The following ARSG variants were observed in gnomAD, a reference collection of about 807,000 sequenced individuals.
The protein encoded by ARSG is arylsulfatase G, also known as ASG.
ARSG carries 37 observed loss-of-function variants against 50.5 expected under a neutral mutation model. That is an observed-to-expected ratio of 0.73 (90% CI 0.56 to 0.96). The LOEUF is 0.96. Among genes scored for constraint, ARSG ranks in the 50% least tolerant of loss-of-function variants. ARSG has a pLI of 0.00. For missense variants in ARSG, 629 were observed against 675.3 expected, an observed-to-expected ratio of 0.93 and a Z score of 0.76; for synonymous variants, 225 against 254.6, an observed-to-expected ratio of 0.88 and a Z score of 1.11.
chr17:68,404,474 TTC>T (rs1323113773), intron 11 of ARSG, among the ~76,000 whole-genome samples: 1 of 152,248 alleles, frequency 6.6e-6, no homozygotes, highest in Admixed American at 6.5e-5. Flanking sequence ...TTGATTCTTT[TTC>T]TTTTTCCATT....
intron 1 of ARSG, among the ~76,000 whole-genome samples, chr17:68,302,969 C>A (rs1196705063): frequency 6.6e-6 from 1 of 152,132 alleles, no homozygotes; most frequent in Non-Finnish European, 1.5e-5. Flanking sequence ...TGCTCCTTCC[C>A]TGTGTCTACT....
At chr17:68,328,546 A>G (rs1195751001) in intron 2 of ARSG, among the ~76,000 whole-genome samples, 1 of 152,038 alleles carries the variant, frequency 6.6e-6, no homozygotes, top group Non-Finnish European at 1.5e-5. Context: ...ATTTTCTCTT[A>G]TTATCCACAT....
At chr17:68,375,319 A>G (rs2080091392) in intron 8 of ARSG, among the ~76,000 whole-genome samples, 1 of 152,244 alleles carries the variant, frequency 6.6e-6, no homozygotes, top group South Asian at 2.1e-4. Flanking sequence ...ACCAATGGTT[A>G]TCAAAGTGTG....
intron 1 of ARSG, among the ~76,000 whole-genome samples, chr17:68,297,184 T>G (rs1260012469): frequency 6.6e-6 from 1 of 152,222 alleles, no homozygotes; most frequent in East Asian, 1.9e-4. Flanking sequence ...GATATGGAAA[T>G]GTAACTTCCA....
intron 6 of ARSG, among the ~76,000 whole-genome samples, chr17:68,366,232 C>T (rs985352754): frequency 2.5e-5 from 3 of 119,806 alleles, no homozygotes; most frequent in African/African-American, 9.5e-5. Context: ...AGCCACTACG[C>T]CTGGCAAAAA....
At chr17:68,315,159 C>G (rs1448601855) in intron 2 of ARSG, among the ~76,000 whole-genome samples, 2 of 152,178 alleles carry the variant, frequency 1.3e-5, no homozygotes, top group Admixed American at 1.3e-4. Flanking sequence ...TTTCCTCATT[C>G]TAGAGCCTTA....
intron 8 of ARSG, among the ~76,000 whole-genome samples, chr17:68,383,007 C>T (rs564764674): frequency 6.6e-6 from 1 of 152,194 alleles, no homozygotes; most frequent in Non-Finnish European, 1.5e-5. Flanking sequence ...GAATCTTTTG[C>T]AAGGAGATTG....
chr17:68,358,427 G>A lies in ARSG; in HGVS notation c.704+1623G>A, dbSNP rs948412620. Among the ~76,000 whole-genome samples, 12 of 152,052 alleles carry A rather than the reference G, an allele frequency of 7.9e-5. No homozygotes were observed. In the East Asian group the frequency reaches 1.7e-3, roughly 22 times the overall value. On this transcript the variant is annotated intron_variant, in intron 6 of 11. Transcript: ENST00000621439. ...AAAGTGGCTGGGCGCGGTGGCTCAC[G>A]TCTGTAATCCCAGCACTTTGGGAGG...
At chr17:68,296,234 C>T (rs75722560) in intron 1 of ARSG, among the ~76,000 whole-genome samples, 3,136 of 152,194 alleles carry the variant, frequency 0.021, 87 homozygotes, top group African/African-American at 0.07. Flanking sequence ...GATTTTGCCC[C>T]GATCGAGTCA....
chr17:68,260,823 G>A (rs1484396596), intron 1 of ARSG, among the ~76,000 whole-genome samples: 1 of 152,014 alleles, frequency 6.6e-6, no homozygotes, highest in Admixed American at 6.6e-5. Flanking sequence ...AAGCTCTTCC[G>A]ACTAGTTGAG....
intron 2 of ARSG, among the ~76,000 whole-genome samples, chr17:68,337,884 T>C (rs2078097092): frequency 6.6e-6 from 1 of 152,162 alleles, no homozygotes; most frequent in South Asian, 2.1e-4. Flanking sequence ...CCCAAAGTGC[T>C]GGGATTACAG....
chr17:68,360,062 C>T (rs564516451), intron 6 of ARSG, among the ~76,000 whole-genome samples: 4 of 152,240 alleles, frequency 2.6e-5, no homozygotes, highest in Non-Finnish European at 5.9e-5. Flanking sequence ...AATGGGGACT[C>T]GGGGCCGTTT....
chr17:68,421,115 G>C (rs896544971), downstream of ARSG: 1 of 154,556 alleles, frequency 6.5e-6, no homozygotes, highest in Admixed American at 6.4e-5. Flanking sequence ...ACCAAAGTTA[G>C]GTCGTTTTCC....
the ARSG span, among the ~76,000 whole-genome samples, chr17:68,436,685 C>T: frequency 6.6e-6 from 1 of 152,178 alleles, no homozygotes. Context: ...CCTGATTTAA[C>T]ACTGGCTGCG....
At chr17:68,302,100 ATCTG>A (rs1329928437) in intron 1 of ARSG, among the ~76,000 whole-genome samples, 10 of 152,218 alleles carry the variant, frequency 6.6e-5, no homozygotes, top group African/African-American at 1.7e-4. Context: ...CTGGTTTAAA[ATCTG>A]TCAGTCAGTA....
At chr17:68,376,550 C>A (rs1275847864) in intron 8 of ARSG, among the ~76,000 whole-genome samples, 1 of 151,918 alleles carries the variant, frequency 6.6e-6, no homozygotes, top group East Asian at 1.9e-4. Flanking sequence ...CTTAGCCTCC[C>A]AAAATGTTGG....
intron 9 of ARSG, among the ~76,000 whole-genome samples, chr17:68,393,900 A>T (rs1399507780): frequency 2.0e-5 from 3 of 151,282 alleles, no homozygotes; most frequent in African/African-American, 7.3e-5. Flanking sequence ...AAAAGAAATT[A>T]TATGCTGAGG....
At chr17:68,437,948 T>TAAAAAAAAAAA in the ARSG span, among the ~76,000 whole-genome samples, 57 of 78,798 alleles carry the variant, frequency 7.2e-4, no homozygotes, top group Middle Eastern at 9.3e-3. Context: ...ACATCTCTCT[T>TAAAAAAAAAAA]AAAAAAAAAA....
At chr17:68,446,670 C>T in the ARSG span, among the ~76,000 whole-genome samples, 14 of 152,216 alleles carry the variant, frequency 9.2e-5, no homozygotes, top group Admixed American at 8.5e-4. Context: ...TTCTATGCTT[C>T]CTTCTGTTCA....
Sources: gnomAD v4.1 joint callset for allele counts (sites outside exome capture counted in the v4.1 genomes callset) on GRCh38, gnomAD v4.1.1 for gene constraint, MANE v1.5 for transcripts, NCBI Gene and HGNC (gene_info 2026-07-23, HGNC 2026-07-21) for gene names.